Variants in ATXN2 observed in about 807,000 individuals in gnomAD.
ATXN2 encodes the protein ataxin-2.
ATXN2 carries 37 observed loss-of-function variants against 138.6 expected under a neutral mutation model. That is an observed-to-expected ratio of 0.27 (90% CI 0.21 to 0.35). The LOEUF is 0.35. Ranked by LOEUF, ATXN2 falls within the 10% of genes least tolerant of loss-of-function variation. The pLI, the probability that ATXN2 is intolerant of heterozygous loss-of-function variation, is 1.00. For missense variants in ATXN2, 1,216 were observed against 1,480.3 expected (o/e 0.82, Z 2.93); for synonymous variants, 549 against 543.7 (o/e 1.01, Z -0.13).
chr12:111,509,968 T>A lies in ATXN2; in HGVS notation c.1787A>T (p.Gln596Leu). Residue 596 changes from glutamine (Q) to leucine (L), a missense_variant, in exon 13 of 25, where the codon CAG becomes CTG. Transcript: ENST00000673436. Reference sequence around the variant, plus strand: ...TTCTTTATTCCCTGCAGGAGAGTTCTGCCTCTGATCTTGAAGCCTGGAATC... The same window carrying A: ...TTCTTTATTCCCTGCAGGAGAGTTCAGCCTCTGATCTTGAAGCCTGGAATC... ...AKDSRLQDQR[Q>L]NSPAGNKENI... 1.2e-6 allele frequency: 2 copies of A among 1,612,066 alleles called. No individual in the cohort carries two copies. The highest frequency in any genetic ancestry group is 1.7e-6 in the Non-Finnish European group (2 of 1,179,238).
chr12:111,573,719 A>G, intron 1 of ATXN2, among the ~76,000 whole-genome samples: 1 of 152,150 alleles, frequency 6.6e-6, no homozygotes, highest in East Asian at 1.9e-4. Flanking sequence ...GGCTGTTGTA[A>G]GGCTTAAAAG....
intron 1 of ATXN2, among the ~76,000 whole-genome samples, chr12:111,589,738 C>A (rs1424210483): frequency 6.6e-6 from 1 of 152,130 alleles, no homozygotes; most frequent in South Asian, 2.1e-4. Flanking sequence ...TGCCACTGCA[C>A]CCCACCCTAG....
intron 14 of ATXN2, among the ~76,000 whole-genome samples, chr12:111,499,572 C>T (rs1878622591): frequency 6.6e-6 from 1 of 151,388 alleles, no homozygotes. Context: ...GACATGGTGG[C>T]AGGAGGCAGG....
chr12:111,473,094 G>A (rs1876528497), intron 18 of ATXN2, among the ~76,000 whole-genome samples: 1 of 151,240 alleles, frequency 6.6e-6, no homozygotes, highest in South Asian at 2.1e-4. Context: ...GCAACATGGT[G>A]AAACCCTGTC....
chr12:111,537,699 T>C (rs912425633), intron 5 of ATXN2, among the ~76,000 whole-genome samples: 5 of 151,976 alleles, frequency 3.3e-5, no homozygotes, highest in South Asian at 2.1e-4. Flanking sequence ...CTGGGGAAAA[T>C]TGAAACAAAC....
At chr12:111,590,041 C>T (rs1884576277) in intron 1 of ATXN2, among the ~76,000 whole-genome samples, 3 of 150,908 alleles carry the variant, frequency 2.0e-5, no homozygotes, top group African/African-American at 7.3e-5. Context: ...GAAACCCCAT[C>T]TCTACTAAAA....
intron 1 of ATXN2, among the ~76,000 whole-genome samples, chr12:111,570,266 A>G (rs1434303255): frequency 6.6e-6 from 1 of 152,112 alleles, no homozygotes. Context: ...GGAGGCCACA[A>G]AACAATTGTA....
At chr12:111,484,427 GTTT>G (rs1250387548) in intron 18 of ATXN2, among the ~76,000 whole-genome samples, 2 of 151,606 alleles carry the variant, frequency 1.3e-5, no homozygotes, top group African/African-American at 4.9e-5. Context: ...TTGTTTGTTT[GTTT>G]TTTGTTTGTT....
intron 1 of ATXN2, among the ~76,000 whole-genome samples, chr12:111,589,055 C>T (rs1425111379): frequency 1.4e-5 from 2 of 144,788 alleles, no homozygotes; most frequent in Non-Finnish European, 3.0e-5. Flanking sequence ...TGGCTCACAC[C>T]TGTAATCCCA....
intron 1 of ATXN2, among the ~76,000 whole-genome samples, chr12:111,571,795 A>G (rs934313752): frequency 2.0e-5 from 3 of 152,008 alleles, no homozygotes; most frequent in African/African-American, 7.3e-5. Flanking sequence ...AGGTGGGCAG[A>G]TCACCTGAGA....
At chr12:111,497,839 A>AC (rs1176349159) in intron 14 of ATXN2, among the ~76,000 whole-genome samples, 1 of 151,846 alleles carries the variant, frequency 6.6e-6, no homozygotes, top group Non-Finnish European at 1.5e-5. Flanking sequence ...ACACGGTGAA[A>AC]CCCCGTCTCT....
Position 111,453,112 on chromosome 12 carries a change from A to G in ATXN2, c.3440-272T>C, listed in dbSNP as rs978488975. Reference sequence around the variant, plus strand: ...AAAGGCCTTAACAAACCCCCTCCCCAAATATTAGCCAAGCACCAGTATTGC... The same window carrying G: ...AAAGGCCTTAACAAACCCCCTCCCCGAATATTAGCCAAGCACCAGTATTGC... On this transcript the variant is annotated intron_variant, in intron 24 of 24. Transcript: ENST00000673436. This position sits in a 1 kb window ranked among gnomAD's most constrained non-coding sequence, Gnocchi z 5.4. 2.4e-6 allele frequency: 3 copies of G among 1,260,832 alleles called. No homozygotes were observed. The highest frequency in any genetic ancestry group is 3.0e-6 in the Non-Finnish European group (3 of 1,002,756). The allele number at this position is 1,260,832 out of a possible 1,614,324, so 78.1% of individuals were successfully genotyped here. A position where few individuals can be genotyped will look rare whatever the true frequency, so the allele number is the denominator to read the frequency against.
At chr12:111,508,471 C>G (rs1427660722) in intron 14 of ATXN2, among the ~76,000 whole-genome samples, 1 of 106,556 alleles carries the variant, frequency 9.4e-6, no homozygotes, top group African/African-American at 3.8e-5. Flanking sequence ...TTTTGAGATG[C>G]AGTCTTGCTC....
At chr12:111,527,959 T>C (rs1268739926) in intron 5 of ATXN2, among the ~76,000 whole-genome samples, 2 of 152,184 alleles carry the variant, frequency 1.3e-5, no homozygotes, top group Non-Finnish European at 2.9e-5. Flanking sequence ...CATCAAATAA[T>C]AACCTACCTT....
chr12:111,595,703 A>C (rs903568831), intron 1 of ATXN2, among the ~76,000 whole-genome samples: 7 of 152,120 alleles, frequency 4.6e-5, no homozygotes, highest in African/African-American at 1.4e-4. Context: ...CTAACTACAA[A>C]ATAACATACA....
rs1439921376 is a variant in ATXN2, at chr12:111,555,073, C to T, written c.288+810G>A. On this transcript the variant is annotated intron_variant, in intron 2 of 24. Transcript: ENST00000673436. The stretch of plus-strand genomic sequence containing the variant: ...CATCATGTGGGACTTATAGTTTCTG[C>T]CCTTCATGTCCGGTTCAATTTCATT... Among the ~76,000 whole-genome samples, 3 of 152,132 alleles carry T rather than the reference C, an allele frequency of 2.0e-5. 1 individual carries two copies. The highest frequency in any genetic ancestry group is 4.4e-5 in the Non-Finnish European group (3 of 68,022).
intron 1 of ATXN2, among the ~76,000 whole-genome samples, chr12:111,587,469 G>A (rs771795797): frequency 6.6e-6 from 1 of 152,118 alleles, no homozygotes; most frequent in Non-Finnish European, 1.5e-5. Context: ...AGACCAGCCT[G>A]GGCAACATGG....
chr12:111,526,401 CTCTTT>C (rs1662109719), intron 5 of ATXN2, among the ~76,000 whole-genome samples: 1 of 135,170 alleles, frequency 7.4e-6, no homozygotes, highest in Admixed American at 7.0e-5. Flanking sequence ...TCAAAAATAT[CTCTTT>C]TTTTTTTTTT....
At chr12:111,455,758 A>G (rs996282468) in intron 23 of ATXN2, 2 of 537,146 alleles carry the variant, frequency 3.7e-6, no homozygotes, top group Middle Eastern at 5.1e-4. Flanking sequence ...CAGAAAGGAA[A>G]GAAGGACTGG....
Sources: allele counts gnomAD v4.1 joint callset (sites outside exome capture counted in the v4.1 genomes callset), GRCh38; gene constraint gnomAD v4.1.1; non-coding constraint Gnocchi (gnomAD v3.1); transcripts MANE v1.5; gene names NCBI Gene and HGNC (gene_info 2026-07-23, HGNC 2026-07-21).